Variants in PCDHGA1 observed in about 807,000 individuals in gnomAD.
PCDHGA1 encodes protocadherin gamma subfamily A, 1, also known as protocadherin gamma-A1.
In PCDHGA1, 32 loss-of-function variants were observed where a neutral mutation model predicts 58.0. The ratio of observed to expected loss-of-function variants is 0.55; its 90% CI spans 0.42 to 0.74. The LOEUF (loss-of-function observed/expected upper bound fraction) is 0.74. Among genes scored for constraint, PCDHGA1 ranks in the 30% least tolerant of loss-of-function variants. The pLI is 0.00. For missense variants in PCDHGA1, 1,205 were observed against 1,182.3 expected, an observed-to-expected ratio of 1.02 and a Z score of -0.28; for synonymous variants, 498 against 501.1, an observed-to-expected ratio of 0.99 and a Z score of 0.08.
chr5:141,425,317 C>T (rs78746536), intron 1 of PCDHGA1, among the ~76,000 whole-genome samples: 174 of 152,168 alleles, frequency 1.1e-3, no homozygotes, highest in East Asian at 3.7e-3. Context: ...TTCCCAAGAT[C>T]GTGGAGAACA....
chr5:141,389,301 A>G (rs2091692161), intron 1 of PCDHGA1: 3 of 1,614,010 alleles, frequency 1.9e-6, no homozygotes, highest in Non-Finnish European at 2.5e-6. Flanking sequence ...TTCACAAGTC[A>G]GGGCTTCTGA....
chr5:141,384,766 A>G, intron 1 of PCDHGA1: 2 of 1,613,916 alleles, frequency 1.2e-6, no homozygotes, highest in Non-Finnish European at 1.7e-6. Flanking sequence ...TGGGCTGTAC[A>G]CGGGCGAGGT....
At chr5:141,505,044 C>G (rs1446394128) in intron 2 of PCDHGA1, among the ~76,000 whole-genome samples, 3 of 152,156 alleles carry the variant, frequency 2.0e-5, no homozygotes, top group African/African-American at 7.2e-5. Context: ...TGCCTGTCAT[C>G]CCAGCTACTT....
chr5:141,455,104 G>A (rs2098813087), intron 1 of PCDHGA1, among the ~76,000 whole-genome samples: 1 of 151,888 alleles, frequency 6.6e-6, no homozygotes, highest in East Asian at 1.9e-4. Flanking sequence ...GAGCCACTGC[G>A]CCCGGTGGGT....
Position 141,485,863 on chromosome 5 carries a change from A to G in PCDHGA1, c.2422-8944A>G, listed in dbSNP as rs770864367. 78 of 1,614,054 alleles carry G rather than the reference A, an allele frequency of 4.8e-5. No individual in the cohort carries two copies. Among genetic ancestry groups the G allele is most frequent in the Non-Finnish European group, 6.0e-5 (71 of 1,180,040 alleles). ...GATCTGGCACCGCAGAGCTCCGGGT[A>G]TCCGTGCTGGACGTAAACGACAACG... On this transcript the variant is annotated intron_variant, in intron 1 of 3. Coordinates refer to ENST00000517417, the MANE Select transcript of PCDHGA1 (RefSeq NM_018912.3). The surrounding 1 kb of genome is among the most constrained non-coding windows in gnomAD (Gnocchi z 5.7).
intron 1 of PCDHGA1, chr5:141,389,105 T>C (rs1394118929): frequency 1.9e-6 from 3 of 1,614,018 alleles, no homozygotes; most frequent in East Asian, 2.2e-5. Context: ...CAGATGCTGT[T>C]CTAGACCGCG....
intron 1 of PCDHGA1, chr5:141,397,999 G>GA (rs2093596115): frequency 2.9e-6 from 4 of 1,387,690 alleles, no homozygotes; most frequent in African/African-American, 2.9e-5. Flanking sequence ...TTCCTCCTCG[G>GA]AAAAAGAATC....
chr5:141,394,547 G>A, intron 1 of PCDHGA1: 8 of 1,614,098 alleles, frequency 5.0e-6, no homozygotes, highest in Non-Finnish European at 6.8e-6. Context: ...TGGAGCTGGC[G>A]CCCCGCTCCG....
chr5:141,416,031 C>G (rs1301059596), intron 1 of PCDHGA1: 1 of 207,362 alleles, frequency 4.8e-6, no homozygotes, highest in Non-Finnish European at 9.4e-6. Context: ...AGAAAGAAAT[C>G]ACCTCTGGAA....
At chr5:141,389,119 A>G (rs1561623119) in intron 1 of PCDHGA1, 16 of 1,614,066 alleles carry the variant, frequency 9.9e-6, no homozygotes, top group Admixed American at 1.7e-5. Context: ...GACCGCGAGC[A>G]GAATCCAGAG....
Position 141,431,336 on chromosome 5 carries a change from G to C in PCDHGA1, c.2422-63471G>C, listed in dbSNP as rs1187672228. ...TGGAGCCGACGGTAGTAAGTACCCC[G>C]AATTGGTGCTGAAACGCGCCCTGGA... On this transcript the variant is annotated intron_variant, in intron 1 of 3. Transcript: ENST00000517417. The surrounding 1 kb of genome is among the most constrained non-coding windows in gnomAD (Gnocchi z 4.8). 2.5e-6 allele frequency: 4 copies of C among 1,613,956 alleles called. No individual in the cohort carries two copies. The East Asian group carries it at 6.7e-5, about 27-fold the overall frequency.
chr5:141,362,412 A>T, intron 1 of PCDHGA1: 1 of 1,614,034 alleles, frequency 6.2e-7, no homozygotes, highest in Non-Finnish European at 8.5e-7. Context: ...TTGCCTCACA[A>T]TCAGCCAAGA....
At chr5:141,343,792 C>G (rs1757324790) in intron 1 of PCDHGA1, 1 of 431,828 alleles carries the variant, frequency 2.3e-6, no homozygotes, top group African/African-American at 2.0e-5. Context: ...TCGCTGTTGA[C>G]CACTCAAGAA....
chr5:141,340,897 C>T, intron 1 of PCDHGA1: 1 of 1,613,718 alleles, frequency 6.2e-7, no homozygotes, highest in Non-Finnish European at 8.5e-7. Flanking sequence ...AGCAGAGCCT[C>T]GTGGTGGCCA....
intron 1 of PCDHGA1, chr5:141,350,571 A>G (rs1488535360): frequency 6.2e-7 from 1 of 1,614,072 alleles, no homozygotes; most frequent in South Asian, 1.1e-5. Context: ...CTAGAATTCG[A>G]AACGGTCGCT....
In PCDHGA1 at chr5:141,336,533, G is replaced by A. The variant is rs114893549; in HGVS notation, c.2421+3428G>A. Among the ~76,000 whole-genome samples, 369 of 152,280 alleles carry A rather than the reference G, an allele frequency of 2.4e-3. 2 individuals are homozygous for A. Among genetic ancestry groups the A allele is most frequent in the African/African-American group, 8.5e-3 (352 of 41,554 alleles). The stretch of plus-strand genomic sequence containing the variant: ...ATGAGAAAATTTCAATAAGGAAGGA[G>A]CCAAAAGGCAAACAGATTAAAGTGT... On this transcript the variant is annotated intron_variant, in intron 1 of 3. Coordinates refer to ENST00000517417, the MANE Select transcript of PCDHGA1 (RefSeq NM_018912.3).
chr5:141,441,882 C>A, intron 1 of PCDHGA1: 1 of 343,664 alleles, frequency 2.9e-6, no homozygotes, highest in South Asian at 2.6e-5. Context: ...GCTACCTGGT[C>A]ACCAAGGTGG....
chr5:141,409,156 A>G (rs771600341), intron 1 of PCDHGA1: 1 of 1,613,986 alleles, frequency 6.2e-7, no homozygotes, highest in Non-Finnish European at 8.5e-7. Flanking sequence ...ACACCATGGA[A>G]GTGGAAGCGA....
chr5:141,420,769 C>T (rs2096524721), intron 1 of PCDHGA1, among the ~76,000 whole-genome samples: 1 of 152,212 alleles, frequency 6.6e-6, no homozygotes, highest in Admixed American at 6.5e-5. Flanking sequence ...AAGTTTTCAG[C>T]TCCAGTAATA....
Sources: allele counts gnomAD v4.1 joint callset (sites outside exome capture counted in the v4.1 genomes callset), GRCh38; gene constraint gnomAD v4.1.1; non-coding constraint Gnocchi (gnomAD v3.1); transcripts MANE v1.5; gene names NCBI Gene and HGNC (gene_info 2026-07-23, HGNC 2026-07-21).